Variants in FOXP1 observed in about 807,000 individuals in gnomAD.
The protein encoded by FOXP1 is forkhead box protein P1.
FOXP1 carries 15 observed loss-of-function variants against 98.2 expected under a neutral mutation model. The ratio of observed to expected loss-of-function variants is 0.15; its 90% CI spans 0.10 to 0.24. FOXP1 has a LOEUF of 0.24. Among genes scored for constraint, FOXP1 ranks in the 10% least tolerant of loss-of-function variants. FOXP1 has a pLI of 1.00. For missense variants in FOXP1, 633 were observed against 848.5 expected, an observed-to-expected ratio of 0.75 and a Z score of 3.15; for synonymous variants, 371 against 314.5, an observed-to-expected ratio of 1.18 and a Z score of -1.90.
At chr3:71,115,325 A>C (rs1052859012) in intron 6 of FOXP1, among the ~76,000 whole-genome samples, 1 of 149,188 alleles carries the variant, frequency 6.7e-6, no homozygotes, top group African/African-American at 2.5e-5. Context: ...TATTTTATTT[A>C]TTTATTTATT....
intron 2 of FOXP1, among the ~76,000 whole-genome samples, chr3:71,530,667 C>G (rs1339872525): frequency 6.6e-6 from 1 of 152,192 alleles, no homozygotes; most frequent in East Asian, 1.9e-4. Context: ...TTATGTTGCA[C>G]ATACTGTGTT....
chr3:71,379,532 G>T (rs2079983564), intron 3 of FOXP1, among the ~76,000 whole-genome samples: 1 of 152,036 alleles, frequency 6.6e-6, no homozygotes, highest in African/African-American at 2.4e-5. Context: ...CAGTCCACGG[G>T]CCAAACCCAA....
intron 7 of FOXP1, among the ~76,000 whole-genome samples, chr3:71,109,518 C>G (rs938619221): frequency 6.6e-6 from 1 of 151,676 alleles, no homozygotes; most frequent in African/African-American, 2.4e-5. Context: ...TTGCTAAAAT[C>G]GGTCTCTCAG....
rs1271046402 is a variant in FOXP1 at position 71,580,815 on chromosome 3, C to A, written c.-298+734G>T. The A allele has an allele frequency of 4.1e-6, 4 of 985,280 alleles. No individual in the cohort carries two copies. In the Admixed American group the frequency reaches 1.8e-4, roughly 45 times the overall value. 61.0% of individuals were successfully genotyped at this position (985,280 alleles called of 1,614,324 possible). ...AGCCCTAAACCCTTAAGTCTACGTA[C>A]AACCAATGGTGAAGTGTAGACGGTT... On this transcript the variant is annotated intron_variant, in intron 2 of 20. Coordinates refer to ENST00000649528, the MANE Select transcript of FOXP1 (RefSeq NM_001349338.3).
intron 2 of FOXP1, among the ~76,000 whole-genome samples, chr3:71,503,741 G>A (rs1347847133): frequency 6.6e-6 from 1 of 152,132 alleles, no homozygotes; most frequent in Non-Finnish European, 1.5e-5. Context: ...CAGGAAGCCT[G>A]TATGGAGCCT....
intron 2 of FOXP1, among the ~76,000 whole-genome samples, chr3:71,560,583 G>A (rs1389026027): frequency 6.6e-6 from 1 of 152,028 alleles, no homozygotes; most frequent in Non-Finnish European, 1.5e-5. Context: ...GAAAACATAC[G>A]AAAACACAAA....
chr3:71,401,761 C>G (rs564494200), intron 3 of FOXP1, among the ~76,000 whole-genome samples: 119 of 152,280 alleles, frequency 7.8e-4, no homozygotes, highest in African/African-American at 2.6e-3. Flanking sequence ...CAACTAAAGA[C>G]GAGGCTCTCC....
At chr3:71,241,617 GA>G (rs1473288965) in intron 5 of FOXP1, among the ~76,000 whole-genome samples, 2 of 152,236 alleles carry the variant, frequency 1.3e-5, no homozygotes, top group Admixed American at 6.5e-5. Context: ...GCTTATAAGA[GA>G]GGGGCTGAAA....
chr3:71,232,942 TACCACCACCACC>T (rs752937811), intron 5 of FOXP1, among the ~76,000 whole-genome samples: 1 of 135,938 alleles, frequency 7.4e-6, no homozygotes, highest in South Asian at 2.6e-4. Flanking sequence ...ACAATACTAC[TACCACCACCACC>T]ACCACCACGA....
At chr3:71,451,535 GT>G (rs57747030) in intron 3 of FOXP1, among the ~76,000 whole-genome samples, 25,780 of 149,818 alleles carry the variant, frequency 0.17, 2,281 homozygotes, top group Non-Finnish European at 0.18. Context: ...ATTTAAATGA[GT>G]TTTTTTTTTA....
At position 71,370,795 on chromosome 3, in the gene FOXP1, G is replaced by GT. The variant is rs1357412935; in HGVS notation, c.-167-11552dup. Among the ~76,000 whole-genome samples the GT allele has an allele frequency of 4.6e-3, 483 of 104,282 alleles. 5 individuals are homozygous for GT. The highest frequency in any genetic ancestry group is 0.025 in the South Asian group (73 of 2,932). The allele number at this position is 104,282 out of a possible 152,430, so 68.4% of individuals were successfully genotyped here. On this transcript the variant is annotated intron_variant, in intron 3 of 20. Transcript: ENST00000649528. ...AGGTCCCAACCCTAGAGTTTTTTTT[G>GT]TTGTTTTTTTTTTTTTTTTTTACTG... is the stretch of plus-strand genomic sequence containing the variant.
chr3:71,002,604 AC>A (rs796909875), intron 12 of FOXP1, among the ~76,000 whole-genome samples: 16 of 152,296 alleles, frequency 1.1e-4, no homozygotes, highest in African/African-American at 3.6e-4. Flanking sequence ...GTGTTCTTAA[AC>A]TGGGATCATT....
At chr3:71,031,591 T>C (rs1379634778) in intron 11 of FOXP1, among the ~76,000 whole-genome samples, 4 of 152,226 alleles carry the variant, frequency 2.6e-5, no homozygotes, top group Non-Finnish European at 2.9e-5. Context: ...GCCAATGTTT[T>C]ACTCTCAGAT....
At position 70,959,158 on chromosome 3, in the gene FOXP1, T is replaced by C. The variant is rs2032567667; in HGVS notation, c.*89A>G. 2.0e-6 allele frequency: 3 copies of C among 1,478,228 alleles called. No homozygotes were observed. Among genetic ancestry groups the C allele is most frequent in the Admixed American group, 1.7e-5 (1 of 59,386 alleles). The allele number at this position is 1,478,228 out of a possible 1,614,324, so 91.6% of individuals were successfully genotyped here. A position where few individuals can be genotyped will look rare whatever the true frequency, so the allele number is the denominator to read the frequency against. On this transcript the variant is annotated 3_prime_UTR_variant, in exon 21 of 21. Coordinates refer to ENST00000649528, the MANE Select transcript of FOXP1 (RefSeq NM_001349338.3). ...AAAATCCTCCAGACTGTACAACAAA[T>C]GGAGAACAATTTCACTGCTAACTTT... is the stretch of plus-strand genomic sequence containing the variant.
At chr3:71,130,626 ATAAACAGGAAG>A (rs1254290483) in intron 6 of FOXP1, 8 of 1,598,230 alleles carry the variant, frequency 5.0e-6, no homozygotes, top group African/African-American at 1.3e-5. Flanking sequence ...AGATGTTTGA[ATAAACAGGAAG>A]TACTGTGCGG....
At chr3:71,108,574 TGGTCAACA>T (rs1410591540) in intron 7 of FOXP1, among the ~76,000 whole-genome samples, 4 of 152,210 alleles carry the variant, frequency 2.6e-5, no homozygotes, top group Non-Finnish European at 5.9e-5. Context: ...AAGACCAGCC[TGGTCAACA>T]TGGTGAAACC....
intron 7 of FOXP1, among the ~76,000 whole-genome samples, chr3:71,106,870 C>A (rs930827664): frequency 1.3e-5 from 2 of 151,236 alleles, no homozygotes; most frequent in African/African-American, 2.4e-5. Flanking sequence ...ACCTCCTGGG[C>A]TCATTCAATC....
chr3:70,987,859 G>A (rs1352469149), intron 14 of FOXP1, 135 bp downstream of exon 14: 19 of 746,928 alleles, frequency 2.5e-5, no homozygotes, highest in South Asian at 1.4e-4. Context: ...AGAAACAGTC[G>A]CATGAATCTA....
At chr3:71,503,969 T>C (rs982626314) in intron 2 of FOXP1, among the ~76,000 whole-genome samples, 2 of 152,114 alleles carry the variant, frequency 1.3e-5, no homozygotes, top group Non-Finnish European at 2.9e-5. Context: ...TTCCAGGTAG[T>C]TTTAGCAGAA....
Sources: gnomAD v4.1 joint callset for allele counts (sites outside exome capture counted in the v4.1 genomes callset) on GRCh38, gnomAD v4.1.1 for gene constraint, MANE v1.5 for transcripts, NCBI Gene and HGNC (gene_info 2026-07-23, HGNC 2026-07-21) for gene names.